The following DFFB variants were observed in gnomAD, a reference collection of about 807,000 sequenced individuals.
DFFB encodes DNA fragmentation factor 40 kDa subunit.
In DFFB, 29 loss-of-function variants were observed where a neutral mutation model predicts 32.7. The observed-to-expected ratio is 0.89, with a 90% CI of 0.66 to 1.21. DFFB has a LOEUF of 1.21. Among genes scored for constraint, DFFB ranks in the 50% most tolerant of loss-of-function variants. The pLI, the probability that DFFB is intolerant of heterozygous loss-of-function variation, is 0.00. For synonymous variants in DFFB, 170 were observed against 177.1 expected (o/e 0.96, Z 0.32); for missense variants, 398 against 440.6 (o/e 0.90, Z 0.87).
chr1:3,874,330 G>GAC (rs1205249335), intron 6 of DFFB, among the ~76,000 whole-genome samples: 1 of 86,800 alleles, frequency 1.2e-5, no homozygotes, highest in South Asian at 5.0e-4. Flanking sequence ...CACATACGTG[G>GAC]TGGCCCACGC....
Position 3,872,436 on chromosome 1 carries a change from C to T in DFFB, c.682-36C>T, listed in dbSNP as rs201555113. 886 of 1,489,272 alleles carry T rather than the reference C, an allele frequency of 5.9e-4. 4 individuals carry two copies. Among genetic ancestry groups the T allele is most frequent in the Non-Finnish European group, 9.1e-5 (98 of 1,073,214 alleles). The allele number at this position is 1,489,272 out of a possible 1,614,324, so 92.3% of individuals were successfully genotyped here. ...CAAGAAAAAAAAAAAAAGAGACTCA[C>T]TTTCTGGCCTTCCCTCATTGTCTTT... On this transcript the variant is annotated intron_variant, in intron 5 of 6. Coordinates refer to ENST00000378209, the MANE Select transcript of DFFB (RefSeq NM_004402.4).
At chr1:3,874,068 G>C (rs1045769225) in intron 6 of DFFB, among the ~76,000 whole-genome samples, 20 of 152,268 alleles carry the variant, frequency 1.3e-4, no homozygotes, top group Non-Finnish European at 2.6e-4. Context: ...TTTACCACAA[G>C]CGTGTGAGTT....
In DFFB at chr1:3,872,603, G is replaced by A. The variant is rs146528418; in HGVS notation, c.782+31G>A. On this transcript the variant is annotated intron_variant, in intron 6 of 6. Coordinates refer to ENST00000378209, the MANE Select transcript of DFFB (RefSeq NM_004402.4). The stretch of plus-strand genomic sequence containing the variant: ...CTCACAGAGCGAGGTTCAGACCCAC[G>A]AGTGCCTGCAGGGCCCTGTCCCTGC... The A allele has an allele frequency of 5.2e-3, 6,951 of 1,337,670 alleles. 76 individuals carry two copies. Among genetic ancestry groups the A allele is most frequent in the South Asian group, 0.03 (2,513 of 83,440 alleles). The allele number at this position is 1,337,670 out of a possible 1,614,324, so 82.9% of individuals were successfully genotyped here. A position where few individuals can be genotyped will look rare whatever the true frequency, so the allele number is the denominator to read the frequency against.
chr1:3,874,309 G>A (rs78026282), intron 6 of DFFB, among the ~76,000 whole-genome samples: 77 of 99,348 alleles, frequency 7.8e-4, no homozygotes, highest in East Asian at 2.0e-3. Context: ...CACGCGTGTG[G>A]GTTTAACATG....
In DFFB at chr1:3,869,661, C is replaced by T; in HGVS notation, c.567C>T (p.Val189=). The stretch of plus-strand genomic sequence containing the variant: ...AGGCTCAGGAGGAATTCCTGCGGGT[C>T]CTCGGCTCCATGTGCCAGAGGCTCC... ...GAEAQEEFLR[V]LGSMCQRLRS... is the part of the protein sequence containing the mutation. The change falls in exon 5 of 7, where the codon GTC becomes GTT. Residue 189 remains valine, a synonymous_variant. Transcript: ENST00000378209. 1 of 1,613,580 alleles carries T rather than the reference C, an allele frequency of 6.2e-7. No individual in the cohort carries two copies. The highest frequency in any genetic ancestry group is 8.5e-7 in the Non-Finnish European group (1 of 1,179,856).
At position 3,872,464 on chromosome 1, in the gene DFFB, GC is replaced by G; in HGVS notation, c.682-3del. 3.1e-6 allele frequency: 5 copies of G among 1,609,882 alleles called. No individual in the cohort carries two copies. Among genetic ancestry groups the G allele is most frequent in the Non-Finnish European group, 4.2e-6 (5 of 1,176,846 alleles). On this transcript the variant is annotated splice_region_variant and splice_polypyrimidine_tract_variant and intron_variant, in intron 5 of 6. Coordinates refer to ENST00000378209, the MANE Select transcript of DFFB (RefSeq NM_004402.4). ...TCTGGCCTTCCCTCATTGTCTTTTGGCCCCCAGGGTCCCTTTGACATGGACA... is the reference window on the plus strand; with the variant it reads ...TCTGGCCTTCCCTCATTGTCTTTTGGCCCCAGGGTCCCTTTGACATGGACA...
chr1:3,861,340 C>T (rs1044318071), intron 2 of DFFB, among the ~76,000 whole-genome samples: 22 of 152,106 alleles, frequency 1.4e-4, no homozygotes, highest in South Asian at 2.1e-4. Context: ...TTCAACCATT[C>T]GCCTGTGGAA....
chr1:3,881,189 A>G (rs1645329744), intron 6 of DFFB, among the ~76,000 whole-genome samples: 1 of 152,072 alleles, frequency 6.6e-6, no homozygotes, highest in Non-Finnish European at 1.5e-5. Context: ...AGGATGGGGG[A>G]GGACAGGGGA....
intron 1 of DFFB, among the ~76,000 whole-genome samples, chr1:3,858,269 C>T (rs1384443516): frequency 1.3e-5 from 2 of 152,192 alleles, no homozygotes; most frequent in Non-Finnish European, 2.9e-5. Flanking sequence ...GAACCGGACT[C>T]CAACAAATTA....
intron 6 of DFFB, chr1:3,873,049 C>A: frequency 8.5e-7 from 1 of 1,172,594 alleles, no homozygotes; most frequent in Non-Finnish European, 1.1e-6. Flanking sequence ...GGCTAAAGTG[C>A]AGTGGCAGGA....
chr1:3,858,841 G>T lies in DFFB; in HGVS notation c.238G>T (p.Gly80Cys). The change falls in exon 2 of 7, where the codon GGC becomes TGC. Residue 80 changes from glycine (G) to cysteine (C), a missense_variant. Physicochemically the swap from Gly to Cys is radical, Grantham distance 159. Coordinates refer to ENST00000378209, the MANE Select transcript of DFFB (RefSeq NM_004402.4). ...VLLTLGQAWQ[G>C]YVSDIRRFLS... ...GCTCACCTTGGGCCAGGCCTGGCAG[G>T]GCTGTGAGTGGCAAGGACTTTGGAG... 1 of 1,613,588 alleles carries T rather than the reference G, an allele frequency of 6.2e-7. No homozygotes were observed. Among genetic ancestry groups the T allele is most frequent in the Non-Finnish European group, 8.5e-7 (1 of 1,180,022 alleles).
chr1:3,867,339 C>T (rs117488799), intron 3 of DFFB, among the ~76,000 whole-genome samples: 1,612 of 152,360 alleles, frequency 0.011, 51 homozygotes, highest in East Asian at 0.1. Flanking sequence ...CACTCCGCTG[C>T]GTGTAGATAC....
intron 6 of DFFB, among the ~76,000 whole-genome samples, chr1:3,874,699 A>G (rs34288846): frequency 4.6e-3 from 329 of 71,958 alleles, no homozygotes; most frequent in Admixed American, 7.4e-3. Context: ...CACGCGTGTG[A>G]GTTTAACATG....
chr1:3,872,646 CAT>C, intron 6 of DFFB, 74 bp downstream of exon 6: 1 of 1,353,818 alleles, frequency 7.4e-7, no homozygotes, highest in Non-Finnish European at 1.1e-6. Flanking sequence ...CTGTCCCTGC[CAT>C]GGCCCTGTCC....
At chr1:3,869,863 C>A in intron 5 of DFFB, 88 bp downstream of exon 5, 1 of 1,367,924 alleles carries the variant, frequency 7.3e-7, no homozygotes, top group Non-Finnish European at 9.8e-7. Flanking sequence ...GACCTTCAGC[C>A]CTTGCCCTGC....
chr1:3,872,450 C>T, intron 5 of DFFB, 22 bp from the exon 6 acceptor site: 6 of 1,590,044 alleles, frequency 3.8e-6, no homozygotes, highest in Non-Finnish European at 5.2e-6. Flanking sequence ...CTGGCCTTCC[C>T]TCATTGTCTT....
At chr1:3,869,862 C>A in intron 5 of DFFB, 87 bp downstream of exon 5, 1 of 1,385,282 alleles carries the variant, frequency 7.2e-7, no homozygotes, top group Non-Finnish European at 9.7e-7. Context: ...GGACCTTCAG[C>A]CCTTGCCCTG....
At chr1:3,881,707 T>C (rs1185698658) in intron 6 of DFFB, among the ~76,000 whole-genome samples, 1 of 151,978 alleles carries the variant, frequency 6.6e-6, no homozygotes, top group African/African-American at 2.4e-5. Context: ...AAATACAAAA[T>C]ACAAATACAA....
chr1:3,870,484 G>A (rs1298745887), intron 5 of DFFB, among the ~76,000 whole-genome samples: 3 of 152,180 alleles, frequency 2.0e-5, no homozygotes, highest in South Asian at 4.1e-4. Flanking sequence ...CCATAAAAAC[G>A]CTTCTTCCAA....
Sources: gnomAD v4.1 joint callset for allele counts (sites outside exome capture counted in the v4.1 genomes callset) on GRCh38, gnomAD v4.1.1 for gene constraint, MANE v1.5 for transcripts, NCBI Gene and HGNC (gene_info 2026-07-23, HGNC 2026-07-21) for gene names.